The following GTF3C1 variants were observed in gnomAD, a reference collection of about 807,000 sequenced individuals.
GTF3C1 encodes general transcription factor 3C polypeptide 1.
GTF3C1 carries 57 observed loss-of-function variants against 226.7 expected under a neutral mutation model. The ratio of observed to expected loss-of-function variants is 0.25; its 90% CI spans 0.20 to 0.31. GTF3C1 has a LOEUF of 0.31. GTF3C1 is among the 10% of genes least tolerant of loss of function. GTF3C1 has a pLI of 1.00. For synonymous variants in GTF3C1, 1,090 were observed against 1,084.8 expected (o/e 1.00, Z -0.09); for missense variants, 2,217 against 2,776.1 (o/e 0.80, Z 4.53).
intron 20 of GTF3C1, 120 bp downstream of exon 20, chr16:27,489,482 T>C (rs1345642975): frequency 5.4e-6 from 4 of 737,824 alleles, no homozygotes; most frequent in Admixed American, 2.7e-5. Context: ...CTGCAGCCTC[T>C]GCACCGGAGA....
chr16:27,465,577 C>G (rs2087775093), intron 32 of GTF3C1, 37 bp from the exon 33 acceptor site: 3 of 1,536,218 alleles, frequency 2.0e-6, no homozygotes, highest in African/African-American at 1.4e-5. Flanking sequence ...GGCAGCCCGA[C>G]AGAGGCCCCC....
At chr16:27,524,031 C>T (rs916053463) in intron 6 of GTF3C1, among the ~76,000 whole-genome samples, 1 of 152,178 alleles carries the variant, frequency 6.6e-6, no homozygotes, top group Non-Finnish European at 1.5e-5. Context: ...CTTGTCCCAG[C>T]TCCAGGCCTC....
chr16:27,538,961 TAC>T (rs1441485699), intron 2 of GTF3C1, among the ~76,000 whole-genome samples: 1 of 137,566 alleles, frequency 7.3e-6, no homozygotes, highest in African/African-American at 2.9e-5. Flanking sequence ...TGACTATATA[TAC>T]ACACATATAC....
rs560418087 is a variant in GTF3C1 at position 27,462,432 on chromosome 16, G to C, written c.5979C>G (p.His1993Gln). ...TACCCTTGCATACAGGAAGGTTCAG[G>C]TGGCCATCCACGACACGCCACGGCC... is the stretch of plus-strand genomic sequence containing the variant. Reference protein sequence around the residue: ...IGRPWRVVDGHLNLPVCKGMM... With the variant: ...IGRPWRVVDGQLNLPVCKGMM... The change falls in exon 36 of 37, where the codon CAC (histidine) becomes CAG (glutamine). Residue 1993 changes from histidine to glutamine, a missense_variant. Coordinates refer to ENST00000356183, the MANE Select transcript of GTF3C1 (RefSeq NM_001520.4). The surrounding 1 kb of genome is among the most constrained non-coding windows in gnomAD (Gnocchi z 4.5). 49 of 1,613,586 alleles carry C rather than the reference G, an allele frequency of 3.0e-5. No homozygotes were observed. The East Asian group carries it at 1.0e-3, about 33-fold the overall frequency.
chr16:27,511,642 T>A, intron 7 of GTF3C1, 107 bp downstream of exon 7: 1 of 1,193,326 alleles, frequency 8.4e-7, no homozygotes, highest in Non-Finnish European at 1.2e-6. Context: ...CACTTCCCAT[T>A]GTATTACATT....
At chr16:27,499,904 G>A (rs1414274774) in intron 12 of GTF3C1, among the ~76,000 whole-genome samples, 2 of 152,316 alleles carry the variant, frequency 1.3e-5, no homozygotes, top group Middle Eastern at 3.4e-3. Context: ...GGAAACCTAC[G>A]CTGGTACTAG....
chr16:27,518,790 A>G (rs1290436663), intron 6 of GTF3C1, among the ~76,000 whole-genome samples: 1 of 152,358 alleles, frequency 6.6e-6, no homozygotes, highest in East Asian at 1.9e-4. Context: ...ATTCTGGCTC[A>G]GCCATGGGGA....
Position 27,463,372 on chromosome 16 carries a change from G to A in GTF3C1, c.5924+169C>T. ...ACTGCCAGTGCTCAGCACGCCTGCT[G>A]CTCGCCCACTGCGCCCCTCCAAGTA... is the stretch of plus-strand genomic sequence containing the variant. On this transcript the variant is annotated intron_variant, in intron 35 of 36. Coordinates refer to ENST00000356183, the MANE Select transcript of GTF3C1 (RefSeq NM_001520.4). This position sits in a 1 kb window ranked among gnomAD's most constrained non-coding sequence, Gnocchi z 4.9. 4.6e-6 allele frequency: 3 copies of A among 656,744 alleles called. No individual in the cohort carries two copies. Among genetic ancestry groups the A allele is most frequent in the South Asian group, 1.8e-5 (1 of 55,428 alleles). The allele number at this position is 656,744 out of a possible 1,614,324, so 40.7% of individuals were successfully genotyped here. A position where few individuals can be genotyped will look rare whatever the true frequency, so the allele number is the denominator to read the frequency against.
chr16:27,471,739 G>A lies in GTF3C1; in HGVS notation c.4526+9C>T, dbSNP rs2087873872. The A allele has an allele frequency of 1.9e-6, 3 of 1,609,952 alleles. No homozygotes were observed. Among genetic ancestry groups the A allele is most frequent in the Middle Eastern group, 3.3e-4 (2 of 6,072 alleles). On this transcript the variant is annotated intron_variant, in intron 30 of 36. Coordinates refer to ENST00000356183, the MANE Select transcript of GTF3C1 (RefSeq NM_001520.4). The surrounding 1 kb of genome is among the most constrained non-coding windows in gnomAD (Gnocchi z 5.0). ...CTCGGAGTACCCAAGGCTCCTGACA[G>A]GTACTCACCTGTAGTAGGTCTGGGA...
At position 27,493,220 on chromosome 16, in the gene GTF3C1, C is replaced by T. The variant is rs1317005116; in HGVS notation, c.2855G>A (p.Arg952Gln). Residue 952 changes from arginine (R) to glutamine (Q), a missense_variant, in exon 17 of 37, where the codon CGG (arginine) becomes CAG (glutamine). Physicochemically the swap from Arg to Gln is conservative, Grantham distance 43 (BLOSUM62 1). Coordinates refer to ENST00000356183, the MANE Select transcript of GTF3C1 (RefSeq NM_001520.4). Reference protein sequence around the residue: ...TLIRFLPRPIRQQLLYKRRYI... With the variant: ...TLIRFLPRPIQQQLLYKRRYI... The stretch of plus-strand genomic sequence containing the variant: ...TCACCTCTTGTACAGAAGCTGCTGC[C>T]GAATGGGCCTGGGGAGAAAGCGGAT... 3.1e-6 allele frequency: 5 copies of T among 1,607,814 alleles called. No homozygotes were observed. The highest frequency in any genetic ancestry group is 3.4e-6 in the Non-Finnish European group (4 of 1,174,280).
chr16:27,495,409 A>G lies in GTF3C1; in HGVS notation c.2434T>C (p.Tyr812His). Residue 812 changes from tyrosine to histidine, a missense_variant, in exon 15 of 37, where the codon TAC becomes CAC. Tyr to His is a moderately conservative substitution (Grantham distance 83, BLOSUM62 2). Coordinates refer to ENST00000356183, the MANE Select transcript of GTF3C1 (RefSeq NM_001520.4). ...VVHMFLWYLI[Y>H]GHPASNTVEK... is the part of the protein sequence containing the mutation. ...ACGGTGTTGCTGGCAGGGTGCCCGT[A>G]GATGAGGTACCACAGAAACATGTGG... is the stretch of plus-strand genomic sequence containing the variant. The G allele has an allele frequency of 6.2e-7, 1 of 1,614,062 alleles. No homozygotes were observed. The highest frequency in any genetic ancestry group is 8.5e-7 in the Non-Finnish European group (1 of 1,179,904).
At chr16:27,527,192 A>G (rs535330418) in intron 6 of GTF3C1, among the ~76,000 whole-genome samples, 20 of 152,298 alleles carry the variant, frequency 1.3e-4, no homozygotes, top group African/African-American at 3.6e-4. Flanking sequence ...TGGGAAATAG[A>G]GCGAGACCCT....
chr16:27,481,365 C>T (rs769658230), intron 26 of GTF3C1, among the ~76,000 whole-genome samples, 174 bp from the exon 27 acceptor site: 6 of 152,204 alleles, frequency 3.9e-5, no homozygotes, highest in Non-Finnish European at 5.9e-5. Flanking sequence ...CTGAGAAGCT[C>T]GGTCTGTAGA....
chr16:27,521,509 C>T (rs1293298997), intron 6 of GTF3C1, among the ~76,000 whole-genome samples: 1 of 152,244 alleles, frequency 6.6e-6, no homozygotes, highest in African/African-American at 2.4e-5. Context: ...GACTGAGTGG[C>T]TGGTCCTTCC....
intron 4 of GTF3C1, among the ~76,000 whole-genome samples, chr16:27,537,191 A>G (rs980182884): frequency 3.3e-5 from 5 of 152,226 alleles, no homozygotes; most frequent in African/African-American, 1.2e-4. Context: ...TTCTGCCACC[A>G]CAAGAAATCA....
At position 27,495,505 on chromosome 16, in the gene GTF3C1, A is replaced by G; in HGVS notation, c.2351-13T>C. 1.2e-6 allele frequency: 2 copies of G among 1,609,128 alleles called. No individual in the cohort carries two copies. Among genetic ancestry groups the G allele is most frequent in the Non-Finnish European group, 1.7e-6 (2 of 1,177,060 alleles). ...CCCAGTCCGGGAACTAAAGCAAGAG[A>G]GGGAGAGGGCGGTGCTTGAAAAATC... On this transcript the variant is annotated splice_polypyrimidine_tract_variant and intron_variant, in intron 14 of 36. Transcript: ENST00000356183.
chr16:27,521,534 G>T (rs192181366), intron 6 of GTF3C1, among the ~76,000 whole-genome samples: 1 of 152,226 alleles, frequency 6.6e-6, no homozygotes, highest in African/African-American at 2.4e-5. Flanking sequence ...GGAGATCAGC[G>T]GGGAAGAGGC....
In GTF3C1 at chr16:27,489,846, T is replaced by C. The variant is rs1434456554; in HGVS notation, c.3152-103A>G. On this transcript the variant is annotated intron_variant, in intron 19 of 36. Coordinates refer to ENST00000356183, the MANE Select transcript of GTF3C1 (RefSeq NM_001520.4). The stretch of plus-strand genomic sequence containing the variant: ...GGAAGAAGAGTGGATTCCCTGCCTG[T>C]GAAAAGGCTCCCCGGCCACTGCGGG... 11 of 1,203,814 alleles carry C rather than the reference T, an allele frequency of 9.1e-6. No homozygotes were observed. In the Admixed American group the frequency reaches 2.2e-4, roughly 24 times the overall value. The allele number at this position is 1,203,814 out of a possible 1,614,324, so 74.6% of individuals were successfully genotyped here.
intron 3 of GTF3C1, 116 bp from the exon 4 acceptor site, chr16:27,538,043 A>C: frequency 7.4e-7 from 1 of 1,348,410 alleles, no homozygotes; most frequent in Non-Finnish European, 1.0e-6. Flanking sequence ...CCAACCTAAG[A>C]AAACAGTCAC....
Sources: allele counts gnomAD v4.1 joint callset (sites outside exome capture counted in the v4.1 genomes callset), GRCh38; gene constraint gnomAD v4.1.1; non-coding constraint Gnocchi (gnomAD v3.1); transcripts MANE v1.5; gene names NCBI Gene and HGNC (gene_info 2026-07-23, HGNC 2026-07-21).